Variants in ZCCHC14 observed in about 807,000 individuals in gnomAD.
The protein encoded by ZCCHC14 is zinc finger CCHC-type containing 14.
In ZCCHC14, 16 loss-of-function variants were observed where a neutral mutation model predicts 85.0. That is an observed-to-expected ratio of 0.19 (90% CI 0.13 to 0.29). ZCCHC14 has a LOEUF of 0.29. Ranked by LOEUF, ZCCHC14 falls within the 10% of genes least tolerant of loss-of-function variation. The pLI is 1.00. For synonymous variants in ZCCHC14, 775 were observed against 630.7 expected (o/e 1.23, Z -3.43); for missense variants, 1,303 against 1,443.5 (o/e 0.90, Z 1.58).
At chr16:87,419,656 G>T (rs930448305) in intron 6 of ZCCHC14, 127 bp downstream of exon 6, 1 of 681,170 alleles carries the variant, frequency 1.5e-6, no homozygotes, top group East Asian at 3.4e-5. Flanking sequence ...GGCTGGTCTT[G>T]AACTCCCAAC....
chr16:87,462,370 C>A (rs1402587860), intron 1 of ZCCHC14, among the ~76,000 whole-genome samples: 2 of 152,140 alleles, frequency 1.3e-5, no homozygotes, highest in Non-Finnish European at 2.9e-5. Flanking sequence ...AAATCTTACA[C>A]AAGGAGATTT....
intron 1 of ZCCHC14, among the ~76,000 whole-genome samples, chr16:87,484,441 T>C (rs1567545647): frequency 6.6e-6 from 1 of 152,202 alleles, no homozygotes. Flanking sequence ...CACAGGACGC[T>C]GAGGAATAAC....
intron 2 of ZCCHC14, among the ~76,000 whole-genome samples, chr16:87,434,578 C>G (rs1435204579): frequency 6.6e-6 from 1 of 152,252 alleles, no homozygotes; most frequent in Non-Finnish European, 1.5e-5. Context: ...GAATGTGACA[C>G]TTCCTGCAGG....
intron 1 of ZCCHC14, among the ~76,000 whole-genome samples, chr16:87,483,048 AAAAAG>A (rs1455919992): frequency 6.6e-6 from 1 of 152,176 alleles, no homozygotes; most frequent in African/African-American, 2.4e-5. Flanking sequence ...GCATTTAAAA[AAAAAG>A]AAAAGAAAAC....
At position 87,414,561 on chromosome 16, in the gene ZCCHC14, AG is replaced by A; in HGVS notation, c.1476-21del. On this transcript the variant is annotated intron_variant, in intron 9 of 12. Transcript: ENST00000671377. ...TTCTCCCTGTGAAATAATCAAGCAC[AG>A]GAACAAGTGAGCACTGCCTACTGGT... 6.2e-7 allele frequency: 1 copy of A among 1,603,648 alleles called. No homozygotes were observed. Among genetic ancestry groups the A allele is most frequent in the Non-Finnish European group, 8.5e-7 (1 of 1,174,322 alleles).
At chr16:87,434,636 C>T (rs746879994) in intron 2 of ZCCHC14, among the ~76,000 whole-genome samples, 1 of 152,252 alleles carries the variant, frequency 6.6e-6, no homozygotes, top group Non-Finnish European at 1.5e-5. Flanking sequence ...CCAGAGCCCT[C>T]TCCACGGGCG....
In ZCCHC14 at chr16:87,426,015, A is replaced by G. The variant is rs543978458; in HGVS notation, c.769-2134T>C. On this transcript the variant is annotated intron_variant, in intron 3 of 12. Coordinates refer to ENST00000671377, the MANE Select transcript of ZCCHC14 (RefSeq NM_015144.3). Reference sequence around the variant, plus strand: ...ACTCTTCTACTTTGTGTTCGGATACATTTTTCTCTGACTTGCAGGTGCAGC... The same window carrying G: ...ACTCTTCTACTTTGTGTTCGGATACGTTTTTCTCTGACTTGCAGGTGCAGC... Among the ~76,000 whole-genome samples the G allele has an allele frequency of 2.0e-5, 3 of 152,236 alleles. No homozygotes were observed. The South Asian group carries it at 6.2e-4, about 32-fold the overall frequency.
At chr16:87,468,559 C>T (rs1911635822) in intron 1 of ZCCHC14, among the ~76,000 whole-genome samples, 1 of 152,080 alleles carries the variant, frequency 6.6e-6, no homozygotes, top group Non-Finnish European at 1.5e-5. Flanking sequence ...ACAAACAGTT[C>T]CTTATCATCT....
rs1912768210 is a variant in ZCCHC14, at chr16:87,491,519, G to C, written c.570+150C>G. The C allele has an allele frequency of 1.7e-6, 1 of 604,720 alleles. No homozygotes were observed. The highest frequency in any genetic ancestry group is 2.0e-5 in the African/African-American group (1 of 50,366). 37.5% of individuals were successfully genotyped at this position (604,720 alleles called of 1,614,324 possible). ...ATGGGGCTTGGGATACGGGCTGGGGGCTCGTGGTGCAGGTTGGAGACCTGG... is the reference window on the plus strand; with the variant it reads ...ATGGGGCTTGGGATACGGGCTGGGGCCTCGTGGTGCAGGTTGGAGACCTGG... On this transcript the variant is annotated intron_variant, in intron 1 of 12. Transcript: ENST00000671377. The surrounding 1 kb of genome is among the most constrained non-coding windows in gnomAD (Gnocchi z 5.9).
At chr16:87,471,913 T>G (rs1219499135) in intron 1 of ZCCHC14, 1 of 152,350 alleles carries the variant, frequency 6.6e-6, no homozygotes, top group Non-Finnish European at 1.5e-5. Context: ...CTTGCCCTCC[T>G]GTCCAGCAGC....
intron 1 of ZCCHC14, among the ~76,000 whole-genome samples, chr16:87,476,196 C>T (rs916822481): frequency 6.6e-6 from 1 of 152,196 alleles, no homozygotes; most frequent in East Asian, 1.9e-4. Flanking sequence ...CTTGCCAGCA[C>T]ACCTACACTC....
intron 8 of ZCCHC14, among the ~76,000 whole-genome samples, chr16:87,416,765 G>GA (rs1908806927): frequency 6.6e-6 from 1 of 151,696 alleles, no homozygotes; most frequent in Non-Finnish European, 1.5e-5. Flanking sequence ...CTCAAAAAAA[G>GA]AAAAAAACAT....
chr16:87,480,919 C>T (rs1912238074), intron 1 of ZCCHC14, among the ~76,000 whole-genome samples: 2 of 152,242 alleles, frequency 1.3e-5, no homozygotes, highest in Non-Finnish European at 2.9e-5. Flanking sequence ...GTAGGAGGAA[C>T]TGCGCCTACA....
chr16:87,411,452 A>C, intron 12 of ZCCHC14, 64 bp downstream of exon 12: 1 of 1,567,014 alleles, frequency 6.4e-7, no homozygotes, highest in Non-Finnish European at 8.6e-7. Flanking sequence ...CTTCATAAAA[A>C]CCAAGCATTT....
Position 87,412,682 on chromosome 16 carries a change from G to C in ZCCHC14, c.2039C>G (p.Ser680Cys), listed in dbSNP as rs767627264. ...CACTTTCATGCTGCTTCTTGGTCCA[G>C]ATCCTTTATTCCTTTCTTCTAGAGA... ...LLSLEERNKG[S>C]GPRSSMKVDK... The change falls in exon 12 of 13, where the codon TCT becomes TGT. Residue 680 changes from serine (S) to cysteine (C), a missense_variant. By Grantham distance (112) the Ser-to-Cys change is moderately radical. Around this residue, in one of 7 missense-constraint regions of ZCCHC14, gnomAD observed 797 missense variants for 730.8 expected, o/e 1.09. Coordinates refer to ENST00000671377, the MANE Select transcript of ZCCHC14 (RefSeq NM_015144.3). 2 of 1,614,240 alleles carry C rather than the reference G, an allele frequency of 1.2e-6. No homozygotes were observed. The highest frequency in any genetic ancestry group is 1.3e-5 in the African/African-American group (1 of 75,060).
intron 1 of ZCCHC14, among the ~76,000 whole-genome samples, chr16:87,469,487 G>A (rs903631761): frequency 2.0e-5 from 3 of 152,240 alleles, no homozygotes; most frequent in Non-Finnish European, 4.4e-5. Context: ...GTCAGGAGCC[G>A]TCTCGGCGGC....
chr16:87,455,298 C>G (rs555925575), intron 2 of ZCCHC14, among the ~76,000 whole-genome samples: 2 of 151,762 alleles, frequency 1.3e-5, no homozygotes, highest in East Asian at 3.9e-4. Flanking sequence ...CCCCCCGCCC[C>G]CGCAAAAAAA....
chr16:87,413,204 A>C lies in ZCCHC14; in HGVS notation c.1604-9T>G. On this transcript the variant is annotated splice_polypyrimidine_tract_variant and intron_variant, in intron 10 of 12. Transcript: ENST00000671377. ...CACTTCCACCCGCAGCTCTGCAGAA[A>C]AGGGACAGAGGAGCAGCCATCAACT... 2 of 1,544,060 alleles carry C rather than the reference A, an allele frequency of 1.3e-6. No homozygotes were observed. Among genetic ancestry groups the C allele is most frequent in the Non-Finnish European group, 1.7e-6 (2 of 1,146,676 alleles).
rs1486288308 is a variant in ZCCHC14, at chr16:87,412,218, C to T, written c.2503G>A (p.Gly835Ser). Residue 835 changes from glycine to serine, a missense_variant, in exon 12 of 13, where the codon GGT (glycine) becomes AGT (serine). Physicochemically the swap from Gly to Ser is moderately conservative, Grantham distance 56. Coordinates refer to ENST00000671377, the MANE Select transcript of ZCCHC14 (RefSeq NM_015144.3). ...MSSMPVGPLQ[G>S]GFCANSNTAS... ...GTGTTGCTGTTTGCACAGAAGCCACCCTGCAGGGGGCCCACTGGCATACTG... is the reference window on the plus strand; with the variant it reads ...GTGTTGCTGTTTGCACAGAAGCCACTCTGCAGGGGGCCCACTGGCATACTG... 5 of 1,613,864 alleles carry T rather than the reference C, an allele frequency of 3.1e-6. No individual in the cohort carries two copies. The highest frequency in any genetic ancestry group is 2.5e-6 in the Non-Finnish European group (3 of 1,180,020).
Sources: gnomAD v4.1 joint callset for allele counts (sites outside exome capture counted in the v4.1 genomes callset) on GRCh38, gnomAD v4.1.1 for gene constraint, gnomAD v4.1.1 regional missense constraint, Gnocchi (gnomAD v3.1) non-coding constraint, MANE v1.5 for transcripts, NCBI Gene and HGNC (gene_info 2026-07-23, HGNC 2026-07-21) for gene names.